CSMD1: variants seen among roughly 807,000 people sequenced by gnomAD.
CSMD1 encodes CUB and sushi domain-containing protein 1.
In CSMD1, 213 loss-of-function variants were observed where a neutral mutation model predicts 417.5. The ratio of observed to expected loss-of-function variants is 0.51; its 90% CI spans 0.46 to 0.57. CSMD1 has a LOEUF of 0.57. Ranked by LOEUF, CSMD1 falls within the 20% of genes least tolerant of loss-of-function variation. The pLI is 0.00. For synonymous variants in CSMD1, 2,862 were observed against 1,736.8 expected, an observed-to-expected ratio of 1.65 and a Z score of -16.11; for missense variants, 6,923 against 4,529.7, an observed-to-expected ratio of 1.53 and a Z score of -15.17.
Position 4,326,064 on chromosome 8 carries a change from C to G in CSMD1, c.415+93889G>C, listed in dbSNP as rs757501129. Reference sequence around the variant, plus strand: ...TGACCTAACACGGGATTCTCCAACACTAGCATTCATCAGCATTACCAGAAC... The same window carrying G: ...TGACCTAACACGGGATTCTCCAACAGTAGCATTCATCAGCATTACCAGAAC... On this transcript the variant is annotated intron_variant, in intron 3 of 69. Transcript: ENST00000635120. 4.6e-5 allele frequency among the ~76,000 whole-genome samples: 7 copies of G among 152,288 alleles called. No individual in the cohort carries two copies. The East Asian group carries it at 5.8e-4, about 13-fold the overall frequency.
intron 5 of CSMD1, among the ~76,000 whole-genome samples, chr8:3,915,888 T>C (rs557467412): frequency 1.3e-5 from 2 of 150,248 alleles, no homozygotes; most frequent in East Asian, 3.9e-4. Context: ...AACAAGGAAA[T>C]TAAAATCATA....
chr8:4,405,523 A>G (rs530487039), intron 3 of CSMD1, among the ~76,000 whole-genome samples: 1 of 152,364 alleles, frequency 6.6e-6, no homozygotes, highest in East Asian at 1.9e-4. Context: ...CGGCTTAACA[A>G]AAAATTATAG....
intron 5 of CSMD1, among the ~76,000 whole-genome samples, chr8:3,964,290 G>T (rs868058137): frequency 2.0e-5 from 3 of 152,006 alleles, no homozygotes. Flanking sequence ...GCTGCTTTAG[G>T]GAGCGTTCCA....
intron 1 of CSMD1, among the ~76,000 whole-genome samples, chr8:4,915,157 A>C (rs1431327363): frequency 1.3e-5 from 2 of 152,190 alleles, no homozygotes; most frequent in African/African-American, 4.8e-5. Flanking sequence ...ACGCATGCTT[A>C]TGATTATATA....
chr8:4,448,309 C>A (rs527583845), intron 2 of CSMD1, among the ~76,000 whole-genome samples: 1 of 152,248 alleles, frequency 6.6e-6, no homozygotes, highest in Admixed American at 6.5e-5. Flanking sequence ...ATTTTGTTTG[C>A]CGATCTAGGA....
At position 3,412,089 on chromosome 8, in the gene CSMD1, CACACGTATATATACATATATACATATAT is replaced by C. The variant is rs1426870826; in HGVS notation, c.1562-2512_1562-2485del. ...ATATATACATATATACATATATATA[CACACGTATATATACATATATACATATAT>C]ACACACGTATATATACATATATACA... On this transcript the variant is annotated intron_variant, in intron 12 of 69. Transcript: ENST00000635120. Among the ~76,000 whole-genome samples, 375 of 112,414 alleles carry C rather than the reference CACACGTATATATACATATATACATATAT, an allele frequency of 3.3e-3. 54 individuals are homozygous for C. The highest frequency in any genetic ancestry group is 4.6e-3 in the Non-Finnish European group (269 of 58,702). The allele number at this position is 112,414 out of a possible 152,430, so 73.7% of individuals were successfully genotyped here.
rs553780948 is a variant in CSMD1 at position 4,712,698 on chromosome 8, C to G, written c.86-75140G>C. On this transcript the variant is annotated intron_variant, in intron 1 of 69. Coordinates refer to ENST00000635120, the MANE Select transcript of CSMD1 (RefSeq NM_033225.6). Reference sequence around the variant, plus strand: ...TTTCACAAATAGATAATAATAGTGACGGTGTGTTTTTTTCTCTCTCTCTTT... The same window carrying G: ...TTTCACAAATAGATAATAATAGTGAGGGTGTGTTTTTTTCTCTCTCTCTTT... Among the ~76,000 whole-genome samples, 11 of 152,206 alleles carry G rather than the reference C, an allele frequency of 7.2e-5. No homozygotes were observed. In the South Asian group the frequency reaches 2.3e-3, roughly 32 times the overall value.
chr8:4,022,558 G>C (rs1363806803), intron 4 of CSMD1, among the ~76,000 whole-genome samples: 9 of 152,174 alleles, frequency 5.9e-5, no homozygotes, highest in South Asian at 2.1e-4. Flanking sequence ...TCATGAAACA[G>C]GGTGTGCATT....
chr8:4,060,187 A>C (rs1223335652), intron 3 of CSMD1, among the ~76,000 whole-genome samples: 2 of 152,212 alleles, frequency 1.3e-5, no homozygotes, highest in African/African-American at 4.8e-5. Flanking sequence ...AACCAAAGAC[A>C]AAAACCACAT....
At chr8:3,956,765 G>C (rs937700614) in intron 5 of CSMD1, among the ~76,000 whole-genome samples, 3 of 152,108 alleles carry the variant, frequency 2.0e-5, no homozygotes, top group South Asian at 2.1e-4. Context: ...CCAAAGCTTA[G>C]TTTTAGCCTC....
intron 5 of CSMD1, among the ~76,000 whole-genome samples, chr8:3,805,712 TTC>T (rs1351224174): frequency 6.6e-6 from 1 of 152,180 alleles, no homozygotes; most frequent in Non-Finnish European, 1.5e-5. Flanking sequence ...CCTATCTTTC[TTC>T]TTTTTTTAAT....
intron 1 of CSMD1, among the ~76,000 whole-genome samples, chr8:4,852,532 G>T (rs1801538813): frequency 1.3e-5 from 2 of 152,194 alleles, no homozygotes; most frequent in Non-Finnish European, 1.5e-5. Flanking sequence ...AAGTTACCTA[G>T]CCTTGGGTAT....
chr8:3,423,703 C>A (rs757053018), intron 12 of CSMD1, among the ~76,000 whole-genome samples: 21 of 152,138 alleles, frequency 1.4e-4, no homozygotes, highest in Non-Finnish European at 2.4e-4. Flanking sequence ...ATGTTCCATC[C>A]CAGGTCTTTG....
chr8:4,988,880 T>C (rs1187741152), intron 1 of CSMD1, among the ~76,000 whole-genome samples: 1 of 152,238 alleles, frequency 6.6e-6, no homozygotes, highest in Non-Finnish European at 1.5e-5. Context: ...ATCAGTCAAT[T>C]TCAGCTGGCT....
At chr8:3,936,145 T>C (rs752589089) in intron 5 of CSMD1, among the ~76,000 whole-genome samples, 3 of 144,462 alleles carry the variant, frequency 2.1e-5, no homozygotes, top group Non-Finnish European at 4.5e-5. Context: ...CTGCAGAAGA[T>C]AAATTTGAAG....
intron 5 of CSMD1, among the ~76,000 whole-genome samples, chr8:3,872,472 A>G (rs182296195): frequency 6.6e-6 from 1 of 152,302 alleles, no homozygotes; most frequent in African/African-American, 2.4e-5. Flanking sequence ...AAGCTGTGGG[A>G]CAAGGCAGGT....
intron 10 of CSMD1, among the ~76,000 whole-genome samples, chr8:3,565,219 T>TAGACAGACAGAC (rs1554471770): frequency 1.2e-4 from 17 of 138,924 alleles, no homozygotes; most frequent in Non-Finnish European, 2.3e-4. Flanking sequence ...GATAGAGAGA[T>TAGACAGACAGAC]AGACAGATAG....
chr8:3,158,274 T>A (rs1327150243), intron 38 of CSMD1, among the ~76,000 whole-genome samples: 1 of 147,102 alleles, frequency 6.8e-6, no homozygotes, highest in African/African-American at 2.6e-5. Context: ...GGGCAAAATA[T>A]GCATTTTTTT....
chr8:3,845,981 G>A (rs1264787820), intron 5 of CSMD1, among the ~76,000 whole-genome samples: 2 of 151,854 alleles, frequency 1.3e-5, no homozygotes, highest in Non-Finnish European at 2.9e-5. Flanking sequence ...TAGTACCCAT[G>A]GAGCCGTCAC....
Sources: gnomAD v4.1 joint callset for allele counts (sites outside exome capture counted in the v4.1 genomes callset) on GRCh38, gnomAD v4.1.1 for gene constraint, MANE v1.5 for transcripts, NCBI Gene and HGNC (gene_info 2026-07-23, HGNC 2026-07-21) for gene names.